SCN7A: variants seen among roughly 807,000 people sequenced by gnomAD.
The protein encoded by SCN7A is sodium channel protein type 7 subunit alpha.
SCN7A carries 138 observed loss-of-function variants against 155.2 expected under a neutral mutation model. The ratio of observed to expected loss-of-function variants is 0.89; its 90% CI spans 0.77 to 1.02. The LOEUF (loss-of-function observed/expected upper bound fraction) is 1.02. Among genes scored for constraint, SCN7A ranks in the 50% least tolerant of loss-of-function variants. The pLI is 0.00. For synonymous variants in SCN7A, 693 were observed against 649.0 expected, an observed-to-expected ratio of 1.07 and a Z score of -1.03; for missense variants, 2,058 against 1,986.6, an observed-to-expected ratio of 1.04 and a Z score of -0.68.
chr2:166,480,219 A>C (rs1702889559), intron 2 of SCN7A, among the ~76,000 whole-genome samples: 1 of 152,156 alleles, frequency 6.6e-6, no homozygotes, highest in Non-Finnish European at 1.5e-5. Context: ...GCACTTTGGG[A>C]GGCTGAGGCG....
intron 13 of SCN7A, 53 bp from the exon 14 acceptor site, chr2:166,443,729 G>T: frequency 7.7e-7 from 1 of 1,292,766 alleles, no homozygotes; most frequent in South Asian, 1.5e-5. Context: ...AGCTGTATCA[G>T]AATCTTCACA....
At chr2:166,487,297 C>T (rs1449976099) in intron 1 of SCN7A, among the ~76,000 whole-genome samples, 4 of 152,170 alleles carry the variant, frequency 2.6e-5, no homozygotes, top group Non-Finnish European at 5.9e-5. Context: ...AGTTCCCATG[C>T]AAGAGGCTGC....
chr2:166,470,773 A>C (rs1356503038), intron 6 of SCN7A, 67 bp from the exon 7 acceptor site: 3 of 1,400,922 alleles, frequency 2.1e-6, no homozygotes, highest in Non-Finnish European at 1.9e-6. Context: ...TTGGCTTTTT[A>C]TGGTTATTGA....
Position 166,465,521 on chromosome 2 carries a change from G to C in SCN7A, c.882C>G (p.Asn294Lys), listed in dbSNP as rs762095367. The C allele has an allele frequency of 1.4e-5, 22 of 1,598,446 alleles. No individual in the cohort carries two copies. The South Asian group carries it at 2.4e-4, about 17-fold the overall frequency. ...ATCTTTCTCCTTCCAAATAATAAAAGTTTTCTGTTTCTGAAAAACAGGCAA... is the reference window on the plus strand; with the variant it reads ...ATCTTTCTCCTTCCAAATAATAAAACTTTTCTGTTTCTGAAAAACAGGCAA... ...GNPYYIRETE[N>K]FYYLEGERYA... The change falls in exon 9 of 26, where the codon AAC becomes AAG. Residue 294 changes from asparagine to lysine, a missense_variant. Transcript: ENST00000643258.
intron 2 of SCN7A, among the ~76,000 whole-genome samples, chr2:166,478,616 A>T (rs1702853365): frequency 6.6e-6 from 1 of 151,760 alleles, no homozygotes; most frequent in Non-Finnish European, 1.5e-5. Context: ...TAAAAACTCA[A>T]ACTAATTATC....
chr2:166,443,751 T>C, intron 13 of SCN7A, 75 bp from the exon 14 acceptor site: 1 of 1,056,852 alleles, frequency 9.5e-7, no homozygotes, highest in Non-Finnish European at 1.3e-6. Flanking sequence ...ACAAAATCTG[T>C]GACACACACT....
rs759979758 is a variant in SCN7A at position 166,473,924 on chromosome 2, A to G, written c.354-36T>C. ...GTCAAGGAATAATAGTTAATAAATAATATTGGAAAAGATATATTTCTATGA... is the reference window on the plus strand; with the variant it reads ...GTCAAGGAATAATAGTTAATAAATAGTATTGGAAAAGATATATTTCTATGA... On this transcript the variant is annotated intron_variant, in intron 4 of 25. Coordinates refer to ENST00000643258, the MANE Select transcript of SCN7A (RefSeq NM_002976.4). 6 of 1,112,460 alleles carry G rather than the reference A, an allele frequency of 5.4e-6. No individual in the cohort carries two copies. In the South Asian group the frequency reaches 7.2e-5, roughly 13 times the overall value. The allele number at this position is 1,112,460 out of a possible 1,614,324, so 68.9% of individuals were successfully genotyped here. A position where few individuals can be genotyped will look rare whatever the true frequency, so the allele number is the denominator to read the frequency against.
intron 20 of SCN7A, among the ~76,000 whole-genome samples, chr2:166,419,069 A>G (rs1334503527): frequency 6.6e-6 from 1 of 152,182 alleles, no homozygotes; most frequent in Non-Finnish European, 1.5e-5. Context: ...TGACAGAGTC[A>G]GTTTCCCTGG....
At chr2:166,452,507 T>C (rs1220799903) in intron 11 of SCN7A, among the ~76,000 whole-genome samples, 3 of 152,214 alleles carry the variant, frequency 2.0e-5, no homozygotes, top group Non-Finnish European at 4.4e-5. Flanking sequence ...TTGTATTTAT[T>C]AAAACTCTTT....
Position 166,413,977 on chromosome 2 carries a change from A to ATGTGTG in SCN7A, c.3415-857_3415-856insCACACA, listed in dbSNP as rs549092901. Among the ~76,000 whole-genome samples the ATGTGTG allele has an allele frequency of 3.8e-3, 292 of 77,234 alleles. 3 individuals are homozygous for ATGTGTG. The East Asian group carries it at 0.074, about 20-fold the overall frequency. 50.7% of individuals were successfully genotyped at this position (77,234 alleles called of 152,430 possible). ...AACTCCCCTTTATATATATATGTGT[A>ATGTGTG]TGTGTATATATATATATATATATAT... On this transcript the variant is annotated intron_variant, in intron 21 of 25. Coordinates refer to ENST00000643258, the MANE Select transcript of SCN7A (RefSeq NM_002976.4).
At chr2:166,491,040 T>C (rs1483890877) in intron 1 of SCN7A, among the ~76,000 whole-genome samples, 1 of 152,148 alleles carries the variant, frequency 6.6e-6, no homozygotes, top group Admixed American at 6.5e-5. Flanking sequence ...GCTTAGACCA[T>C]GTCGCCTCTG....
At chr2:166,441,319 C>T (rs929345564) in intron 15 of SCN7A, 77 bp downstream of exon 15, 2 of 994,354 alleles carry the variant, frequency 2.0e-6, no homozygotes, top group Non-Finnish European at 2.9e-6. Context: ...CATTAGATCC[C>T]ATCAATGCAC....
At chr2:166,418,284 CTTTTTTTT>C (rs71031244) in intron 20 of SCN7A, among the ~76,000 whole-genome samples, 2 of 60,674 alleles carry the variant, frequency 3.3e-5, no homozygotes, top group South Asian at 6.1e-4. Context: ...CCCCGCCAGG[CTTTTTTTT>C]TTTTTTTTTT....
chr2:166,406,066 T>A lies in SCN7A; in HGVS notation c.4563A>T (p.Val1521=), dbSNP rs781711177. ...TCCTATCAGGATCAAACCTTTTCCA[T>A]ACCTGAAAGAATTTCCTAAAATCAT... is the stretch of plus-strand genomic sequence containing the variant. ...SEDDFRKFFQ[V]WKRFDPDRTQ... The change falls in exon 26 of 26, where the codon GTA becomes GTT. Residue 1521 remains valine, a synonymous_variant. Transcript: ENST00000643258. The A allele has an allele frequency of 1.9e-5, 30 of 1,612,726 alleles. No homozygotes were observed. The highest frequency in any genetic ancestry group is 2.5e-5 in the Non-Finnish European group (30 of 1,179,218).
intron 2 of SCN7A, among the ~76,000 whole-genome samples, chr2:166,480,400 G>A (rs1702895079): frequency 6.6e-6 from 1 of 151,700 alleles, no homozygotes; most frequent in Admixed American, 6.6e-5. Flanking sequence ...GGAGCTTGCA[G>A]TGAGCCGAGA....
intron 20 of SCN7A, among the ~76,000 whole-genome samples, chr2:166,419,543 T>A (rs1162494878): frequency 6.6e-6 from 1 of 151,950 alleles, no homozygotes; most frequent in Non-Finnish European, 1.5e-5. Flanking sequence ...ATTTTTGTAT[T>A]TTTTGTAGAG....
At chr2:166,480,086 G>A (rs1226281655) in intron 2 of SCN7A, among the ~76,000 whole-genome samples, 6 of 152,180 alleles carry the variant, frequency 3.9e-5, no homozygotes, top group Non-Finnish European at 8.8e-5. Context: ...GAGCCAAGAT[G>A]CTCTGAATAA....
intron 15 of SCN7A, among the ~76,000 whole-genome samples, chr2:166,433,551 C>G (rs1701776542): frequency 6.6e-6 from 1 of 152,082 alleles, no homozygotes; most frequent in South Asian, 2.1e-4. Flanking sequence ...TGTCAAATAT[C>G]AAACGATCAA....
chr2:166,408,305 GACTC>G (rs1340278794), intron 25 of SCN7A, among the ~76,000 whole-genome samples: 1 of 151,892 alleles, frequency 6.6e-6, no homozygotes, highest in Non-Finnish European at 1.5e-5. Context: ...TTCAATAATT[GACTC>G]ACTGTCTCTC....
Sources: gnomAD v4.1 joint callset for allele counts (sites outside exome capture counted in the v4.1 genomes callset) on GRCh38, gnomAD v4.1.1 for gene constraint, MANE v1.5 for transcripts, NCBI Gene and HGNC (gene_info 2026-07-23, HGNC 2026-07-21) for gene names.